Variants in TCF4 observed in about 807,000 individuals in gnomAD.
TCF4 encodes transcription factor 4, also known as SL3-3 enhancer factor 2.
TCF4 carries 3 observed loss-of-function variants against 82.1 expected under a neutral mutation model. The observed-to-expected ratio is 0.04, with a 90% CI of 0.02 to 0.09. TCF4 has a LOEUF of 0.09. TCF4 is among the 10% of genes least tolerant of loss of function. The pLI is 1.00. For missense variants in TCF4, 518 were observed against 852.7 expected, an observed-to-expected ratio of 0.61 and a Z score of 4.89; for synonymous variants, 276 against 309.6, an observed-to-expected ratio of 0.89 and a Z score of 1.14.
intron 8 of TCF4, among the ~76,000 whole-genome samples, chr18:55,306,642 A>G (rs2147104926): frequency 6.6e-6 from 1 of 152,358 alleles, no homozygotes; most frequent in South Asian, 2.1e-4. Flanking sequence ...AATGTGGTCT[A>G]CAGAATTCAG....
upstream of TCF4, among the ~76,000 whole-genome samples, chr18:55,591,826 T>C (rs1221655241): frequency 6.6e-6 from 1 of 152,200 alleles, no homozygotes; most frequent in Non-Finnish European, 1.5e-5. Flanking sequence ...CCCCTTCTGC[T>C]GAATTTCAAG....
In TCF4 at chr18:55,240,350, T is replaced by C. The variant is rs376455527; in HGVS notation, c.1351-5667A>G. ...GGTTTTCACTGTAATTAGAAACCCA[T>C]TGATACAGAAAACAGTTTTGGTGTC... On this transcript the variant is annotated intron_variant, in intron 15 of 19. Transcript: ENST00000354452. 7.2e-5 allele frequency among the ~76,000 whole-genome samples: 11 copies of C among 152,346 alleles called. No homozygotes were observed. The East Asian group carries it at 1.2e-3, about 16-fold the overall frequency.
chr18:55,302,677 G>A, intron 8 of TCF4: 2 of 1,411,778 alleles, frequency 1.4e-6, no homozygotes, highest in South Asian at 1.4e-5. Flanking sequence ...GGGGTGGGAG[G>A]GCCTAGGATG....
chr18:55,620,215 C>T (rs549687304), intron 2 of TCF4, among the ~76,000 whole-genome samples: 120 of 152,190 alleles, frequency 7.9e-4, no homozygotes, highest in Non-Finnish European at 1.5e-3. Flanking sequence ...AACTTCTTTC[C>T]TTTATAAGTC....
intron 3 of TCF4, among the ~76,000 whole-genome samples, chr18:55,578,054 C>T (rs540094620): frequency 6.6e-6 from 1 of 152,176 alleles, no homozygotes; most frequent in Admixed American, 6.5e-5. Context: ...ATGAACAGCA[C>T]CAGATCCCCC....
At chr18:55,517,366 C>G (rs1255458757) in intron 3 of TCF4, among the ~76,000 whole-genome samples, 1 of 152,122 alleles carries the variant, frequency 6.6e-6, no homozygotes, top group Admixed American at 6.6e-5. Context: ...GTTGATGGCT[C>G]CCTAAACCAA....
At chr18:55,231,432 G>A (rs1320669329) in intron 17 of TCF4, 3 of 152,196 alleles carry the variant, frequency 2.0e-5, no homozygotes, top group African/African-American at 7.2e-5. Context: ...GCATACATAA[G>A]TAAATGTCAT....
upstream of TCF4, chr18:55,591,166 G>A (rs1257957283): frequency 6.6e-6 from 1 of 152,210 alleles, no homozygotes; most frequent in Admixed American, 6.5e-5. Context: ...GTTGTTTCCT[G>A]TACATTCACA....
intron 3 of TCF4, among the ~76,000 whole-genome samples, chr18:55,515,436 A>T (rs990458056): frequency 6.6e-6 from 1 of 152,228 alleles, no homozygotes; most frequent in Non-Finnish European, 1.5e-5. Flanking sequence ...CGTCAGGAAG[A>T]CTAAGCATCT....
At chr18:55,403,888 A>G in intron 5 of TCF4, 1 of 1,439,992 alleles carries the variant, frequency 6.9e-7, no homozygotes, top group Non-Finnish European at 9.1e-7. Context: ...ACCCTAGCCT[A>G]GTAATTCCCA....
intron 8 of TCF4, chr18:55,321,971 A>G: frequency 9.9e-6 from 13 of 1,312,306 alleles, no homozygotes; most frequent in Non-Finnish European, 1.2e-5. Flanking sequence ...GCCCTGATGG[A>G]GCTCGAAATC....
At chr18:55,408,548 G>A (rs549714284) in intron 5 of TCF4, among the ~76,000 whole-genome samples, 1 of 152,224 alleles carries the variant, frequency 6.6e-6, no homozygotes, top group South Asian at 2.1e-4. Context: ...TTCCATGCCT[G>A]CCTTTTCCTT....
chr18:55,533,699 A>G (rs1034530930), intron 3 of TCF4, among the ~76,000 whole-genome samples: 81 of 152,336 alleles, frequency 5.3e-4, no homozygotes, highest in African/African-American at 1.9e-3. Context: ...CAATACACAA[A>G]AACAGTACAA....
intron 6 of TCF4, among the ~76,000 whole-genome samples, chr18:55,399,660 C>G (rs1323001641): frequency 6.6e-6 from 1 of 152,090 alleles, no homozygotes. Context: ...AAAGCATTTT[C>G]AAGGTCATAT....
upstream of TCF4, chr18:55,591,282 C>T (rs1255007285): frequency 6.6e-6 from 1 of 152,160 alleles, no homozygotes; most frequent in African/African-American, 2.4e-5. Flanking sequence ...GCATCATCCC[C>T]AATTCTCAGA....
chr18:55,524,088 T>C (rs968451931), intron 3 of TCF4, among the ~76,000 whole-genome samples: 2 of 152,140 alleles, frequency 1.3e-5, no homozygotes, highest in African/African-American at 4.8e-5. Context: ...GCATGTTATT[T>C]TGCTGCCTCT....
chr18:55,534,607 T>A (rs2097099269), intron 3 of TCF4, among the ~76,000 whole-genome samples: 1 of 152,218 alleles, frequency 6.6e-6, no homozygotes, highest in African/African-American at 2.4e-5. Flanking sequence ...CGGCTGGGAC[T>A]TAAAAGAGTT....
chr18:55,521,117 T>G (rs536236966), intron 3 of TCF4, among the ~76,000 whole-genome samples: 1 of 152,148 alleles, frequency 6.6e-6, no homozygotes, highest in Non-Finnish European at 1.5e-5. Flanking sequence ...CGAGTTTATT[T>G]GGAAAGACTG....
intron 8 of TCF4, chr18:55,322,082 T>A: frequency 1.8e-6 from 2 of 1,108,050 alleles, no homozygotes; most frequent in Non-Finnish European, 2.2e-6. Flanking sequence ...CACTTTTTTC[T>A]TTTTCTTTTC....
Sources: allele counts gnomAD v4.1 joint callset (sites outside exome capture counted in the v4.1 genomes callset), GRCh38; gene constraint gnomAD v4.1.1; transcripts MANE v1.5; gene names NCBI Gene and HGNC (gene_info 2026-07-23, HGNC 2026-07-21).